Variants in BMP6 observed in about 807,000 individuals in gnomAD.
BMP6 encodes the protein bone morphogenetic protein 6, also known as VG-1-R.
A neutral mutation model predicts 54.1 loss-of-function variants in BMP6; 17 were observed. The ratio of observed to expected loss-of-function variants is 0.31; its 90% CI spans 0.22 to 0.47. The LOEUF (loss-of-function observed/expected upper bound fraction) is 0.47. BMP6 is among the 20% of genes least tolerant of loss of function. The pLI, the probability that BMP6 is intolerant of heterozygous loss-of-function variation, is 1.00. For missense variants in BMP6, 720 were observed against 690.4 expected (o/e 1.04, Z -0.48); for synonymous variants, 328 against 291.2 (o/e 1.13, Z -1.28).
chr6:7,845,956 G>A (rs147246183), intron 2 of BMP6, among the ~76,000 whole-genome samples: 13 of 152,298 alleles, frequency 8.5e-5, no homozygotes, highest in African/African-American at 3.1e-4. Flanking sequence ...TGGAACAATT[G>A]CTGGAGGACT....
chr6:7,772,035 CAG>C (rs978065262), intron 1 of BMP6, among the ~76,000 whole-genome samples: 1 of 143,816 alleles, frequency 7.0e-6, no homozygotes, highest in African/African-American at 2.6e-5. Flanking sequence ...GCCTGGGCGA[CAG>C]AGCAAGCCTG....
intron 1 of BMP6, among the ~76,000 whole-genome samples, chr6:7,815,706 T>A (rs533586147): frequency 2.3e-4 from 35 of 152,272 alleles, no homozygotes; most frequent in Admixed American, 1.3e-3. Context: ...TACCAAATTT[T>A]AAAAAATAGA....
At chr6:7,826,238 T>A (rs1561784051) in intron 1 of BMP6, among the ~76,000 whole-genome samples, 2 of 152,224 alleles carry the variant, frequency 1.3e-5, no homozygotes, top group Non-Finnish European at 2.9e-5. Context: ...CCTGTTCTCT[T>A]ACTCACAGGT....
rs56161444 is a variant in BMP6, at chr6:7,822,897, T to TTGTGTGTGTG, written c.665-22207_665-22198dup. On this transcript the variant is annotated intron_variant, in intron 1 of 6. Transcript: ENST00000283147. ...CATGCTACAGTAGGATTGGTGCTGG[T>TTGTGTGTGTG]TGTGTGTGTGTGTGTGTGTGTGTGT... Among the ~76,000 whole-genome samples the TTGTGTGTGTG allele has an allele frequency of 1.2e-3, 150 of 121,344 alleles. 2 individuals carry two copies. The highest frequency in any genetic ancestry group is 3.3e-3 in the African/African-American group (107 of 31,982). 79.6% of individuals were successfully genotyped at this position (121,344 alleles called of 152,430 possible).
At chr6:7,751,981 T>A (rs1330418738) in intron 1 of BMP6, among the ~76,000 whole-genome samples, 1 of 152,260 alleles carries the variant, frequency 6.6e-6, no homozygotes, top group Non-Finnish European at 1.5e-5. Flanking sequence ...CGCTTCCAGC[T>A]ACAGGAAACT....
chr6:7,727,126 G>A lies in BMP6; in HGVS notation c.171G>A (p.Pro57=). 1 of 1,525,840 alleles carries A rather than the reference G, an allele frequency of 6.6e-7. No individual in the cohort carries two copies. Among genetic ancestry groups the A allele is most frequent in the South Asian group, 1.2e-5 (1 of 82,192 alleles). 94.5% of individuals were successfully genotyped at this position (1,525,840 alleles called of 1,614,324 possible). A position where few individuals can be genotyped will look rare whatever the true frequency, so the allele number is the denominator to read the frequency against. ...GCCCCGGCCGCACGGAGCAGCCGCC[G>A]CCGTCGCCGCAGTCCTCCTCGGGCT... ...GGSPGRTEQP[P]PSPQSSSGFL... The change falls in exon 1 of 7, where the codon CCG becomes CCA. Residue 57 remains proline, a synonymous_variant. Coordinates refer to ENST00000283147, the MANE Select transcript of BMP6 (RefSeq NM_001718.6).
intron 1 of BMP6, among the ~76,000 whole-genome samples, chr6:7,807,033 A>T (rs1182196774): frequency 6.6e-6 from 1 of 152,198 alleles, no homozygotes; most frequent in Non-Finnish European, 1.5e-5. Flanking sequence ...TTCAATATTT[A>T]ACAACTTTCT....
chr6:7,781,342 T>C (rs573561255), intron 1 of BMP6, among the ~76,000 whole-genome samples: 7 of 142,934 alleles, frequency 4.9e-5, no homozygotes, highest in Non-Finnish European at 9.8e-5. Flanking sequence ...ATACGTACCA[T>C]GCCACTGTCT....
At chr6:7,813,634 C>G in intron 1 of BMP6, among the ~76,000 whole-genome samples, 1 of 89,674 alleles carries the variant, frequency 1.1e-5, no homozygotes, top group African/African-American at 5.2e-5. Context: ...CAGAGTGTGA[C>G]CCTGTCTCAA....
chr6:7,729,334 C>T (rs1761809955), intron 1 of BMP6, among the ~76,000 whole-genome samples: 1 of 151,698 alleles, frequency 6.6e-6, no homozygotes, highest in Non-Finnish European at 1.5e-5. Context: ...CCGCCCCCAC[C>T]CCGCCTCCAG....
chr6:7,858,142 G>T (rs1759277738), intron 2 of BMP6, among the ~76,000 whole-genome samples: 1 of 152,114 alleles, frequency 6.6e-6, no homozygotes, highest in Non-Finnish European at 1.5e-5. Flanking sequence ...GAGTGCAGAG[G>T]TGCGATCATG....
intron 1 of BMP6, among the ~76,000 whole-genome samples, chr6:7,764,448 T>C: frequency 6.6e-6 from 1 of 152,220 alleles, no homozygotes; most frequent in East Asian, 1.9e-4. Context: ...AGCTGAAGTT[T>C]TGGGCCTCAC....
chr6:7,869,725 C>T (rs901292998), intron 4 of BMP6, among the ~76,000 whole-genome samples: 6 of 152,136 alleles, frequency 3.9e-5, no homozygotes, highest in African/African-American at 7.2e-5. Flanking sequence ...GACTTAAGGT[C>T]GGGGAGCAGA....
chr6:7,744,215 G>A (rs1339396437), intron 1 of BMP6, among the ~76,000 whole-genome samples: 1 of 152,008 alleles, frequency 6.6e-6, no homozygotes, highest in Non-Finnish European at 1.5e-5. Flanking sequence ...CACCGGACAC[G>A]GTTGCTCACG....
At chr6:7,807,368 A>G (rs1758361826) in intron 1 of BMP6, among the ~76,000 whole-genome samples, 4 of 152,098 alleles carry the variant, frequency 2.6e-5, no homozygotes, top group Admixed American at 2.6e-4. Context: ...CTCTCTGCTT[A>G]TTGGAACCTC....
chr6:7,879,016 A>G (rs952021088), intron 4 of BMP6, 58 bp from the exon 5 acceptor site: 7 of 1,522,034 alleles, frequency 4.6e-6, no homozygotes, highest in Non-Finnish European at 6.4e-6. Context: ...CTATGAAGGA[A>G]TTAATGAGTT....
chr6:7,759,057 T>C (rs915907227), intron 1 of BMP6, among the ~76,000 whole-genome samples: 21 of 152,204 alleles, frequency 1.4e-4, no homozygotes, highest in Admixed American at 2.0e-4. Flanking sequence ...GGACAGCCAT[T>C]GAATTATCTC....
chr6:7,830,523 C>T (rs1421725298), intron 1 of BMP6, among the ~76,000 whole-genome samples: 2 of 152,128 alleles, frequency 1.3e-5, no homozygotes, highest in Admixed American at 6.5e-5. Flanking sequence ...TCAGCCCCTC[C>T]AGAATGACCT....
intron 4 of BMP6, among the ~76,000 whole-genome samples, chr6:7,868,941 C>T (rs2113285442): frequency 6.6e-6 from 1 of 152,320 alleles, no homozygotes; most frequent in African/African-American, 2.4e-5. Flanking sequence ...GACATTCTCT[C>T]TCCCCTGCCT....
Sources: allele counts gnomAD v4.1 joint callset (sites outside exome capture counted in the v4.1 genomes callset), GRCh38; gene constraint gnomAD v4.1.1; transcripts MANE v1.5; gene names NCBI Gene and HGNC (gene_info 2026-07-23, HGNC 2026-07-21).